FMN1: variants seen among roughly 807,000 people sequenced by gnomAD.
The protein encoded by FMN1 is formin 1.
Under a neutral mutation model 132.4 loss-of-function variants are expected in FMN1, and 110 were observed. That is an observed-to-expected ratio of 0.83 (90% confidence interval 0.71 to 0.97). FMN1 has a LOEUF of 0.97. FMN1 is among the 50% of genes least tolerant of loss of function. FMN1 has a pLI of 0.00. For missense variants in FMN1, 1,792 were observed against 1,705.3 expected, an observed-to-expected ratio of 1.05 and a Z score of -0.90; for synonymous variants, 722 against 651.7, an observed-to-expected ratio of 1.11 and a Z score of -1.64.
intron 6 of FMN1, among the ~76,000 whole-genome samples, chr15:33,026,258 G>T: frequency 6.6e-6 from 1 of 151,512 alleles, no homozygotes; most frequent in East Asian, 1.9e-4. Flanking sequence ...TAACAAAAGG[G>T]GCCTCAACAC....
At chr15:32,989,978 G>T (rs1187239743) in intron 7 of FMN1, among the ~76,000 whole-genome samples, 1 of 152,090 alleles carries the variant, frequency 6.6e-6, no homozygotes, top group East Asian at 1.9e-4. Flanking sequence ...AAGAGGAGGA[G>T]GATTCAGAAG....
intron 16 of FMN1, among the ~76,000 whole-genome samples, chr15:32,868,559 C>G (rs2059445340): frequency 6.6e-6 from 1 of 152,142 alleles, no homozygotes; most frequent in Non-Finnish European, 1.5e-5. Flanking sequence ...TGTTAAGTGA[C>G]ACATGACTGT....
chr15:32,838,300 G>A (rs1289230708), intron 17 of FMN1, among the ~76,000 whole-genome samples: 2 of 152,164 alleles, frequency 1.3e-5, no homozygotes. Flanking sequence ...TCGGAGAGGT[G>A]AGGCCAATGT....
chr15:32,923,768 G>C (rs1034554033), intron 10 of FMN1, among the ~76,000 whole-genome samples: 2 of 152,194 alleles, frequency 1.3e-5, no homozygotes, highest in Non-Finnish European at 2.9e-5. Flanking sequence ...CTGGTAACTG[G>C]ACTATCACAT....
At chr15:32,869,457 G>A (rs376745247) in intron 16 of FMN1, among the ~76,000 whole-genome samples, 10 of 152,126 alleles carry the variant, frequency 6.6e-5, no homozygotes, top group Non-Finnish European at 1.3e-4. Context: ...GCAAGCTCGA[G>A]GTGGAAAATC....
rs368902407 is a variant in FMN1, at chr15:32,945,833, C to T, written c.3138+18274G>A. Among the ~76,000 whole-genome samples, 62 of 152,270 alleles carry T rather than the reference C, an allele frequency of 4.1e-4. No homozygotes were observed. In the South Asian group the frequency reaches 0.012, roughly 31 times the overall value. ...AGCCACTGGAAGGCAAAATCTGAGA[C>T]AGAACTCCAAGGGAAACACTTCTTC... On this transcript the variant is annotated intron_variant, in intron 9 of 20. Coordinates refer to ENST00000616417, the MANE Select transcript of FMN1 (RefSeq NM_001277313.2).
chr15:32,918,107 T>TA (rs914678090), intron 10 of FMN1, among the ~76,000 whole-genome samples: 119 of 149,366 alleles, frequency 8.0e-4, no homozygotes, highest in South Asian at 2.1e-3. Context: ...AGAATTTCTT[T>TA]AAAAAAAAAA....
chr15:33,161,882 C>G (rs1011412646), intron 3 of FMN1, among the ~76,000 whole-genome samples: 1 of 151,426 alleles, frequency 6.6e-6, no homozygotes, highest in Non-Finnish European at 1.5e-5. Context: ...CGTGCCACTG[C>G]ACTCCAGCCT....
chr15:32,957,517 A>G (rs1384357840), intron 9 of FMN1, among the ~76,000 whole-genome samples: 1 of 151,954 alleles, frequency 6.6e-6, no homozygotes, highest in African/African-American at 2.4e-5. Context: ...AGATGTCCGA[A>G]TGTATCACTA....
chr15:32,831,409 G>A (rs1329227531), intron 17 of FMN1, among the ~76,000 whole-genome samples: 3 of 152,080 alleles, frequency 2.0e-5, no homozygotes, highest in Admixed American at 6.5e-5. Context: ...TATCATGGAA[G>A]CTTGGGAAGT....
intron 17 of FMN1, among the ~76,000 whole-genome samples, chr15:32,831,310 TG>T (rs1329568913): frequency 2.0e-5 from 3 of 152,058 alleles, no homozygotes; most frequent in Non-Finnish European, 4.4e-5. Context: ...CTCCACCTCC[TG>T]GATTCAAGTG....
At chr15:33,189,979 T>C in intron 2 of FMN1, among the ~76,000 whole-genome samples, 1 of 152,176 alleles carries the variant, frequency 6.6e-6, no homozygotes, top group East Asian at 1.9e-4. Flanking sequence ...GGGATGTGCT[T>C]TCGGTCAGTG....
intron 5 of FMN1, among the ~76,000 whole-genome samples, chr15:33,071,243 C>T (rs1235268094): frequency 6.6e-6 from 1 of 152,094 alleles, no homozygotes; most frequent in Admixed American, 6.5e-5. Context: ...TACAAGTTTT[C>T]TTAGGAAAAA....
intron 7 of FMN1, among the ~76,000 whole-genome samples, chr15:32,986,795 C>T (rs2033097469): frequency 6.6e-6 from 1 of 152,078 alleles, no homozygotes; most frequent in South Asian, 2.1e-4. Context: ...TTTCCTCCCC[C>T]ACCTTAGATT....
chr15:33,180,432 A>AACAG (rs1212669774), intron 2 of FMN1, among the ~76,000 whole-genome samples, 170 bp from the exon 3 acceptor site: 1 of 152,130 alleles, frequency 6.6e-6, no homozygotes, highest in Non-Finnish European at 1.5e-5. Context: ...AAGTCTAGGG[A>AACAG]ACAGACGATC....
At chr15:32,899,684 T>TTA (rs2141588268) in intron 14 of FMN1, 1 of 418,134 alleles carries the variant, frequency 2.4e-6, no homozygotes, top group South Asian at 3.0e-5. Flanking sequence ...TACTGTATGC[T>TTA]ATCTGTTTTG....
chr15:33,013,252 G>A (rs1218672245), intron 6 of FMN1, among the ~76,000 whole-genome samples: 1 of 152,204 alleles, frequency 6.6e-6, no homozygotes, highest in Non-Finnish European at 1.5e-5. Context: ...GACCATATTT[G>A]TGATTAGTTA....
rs888360978 is a variant in FMN1 at position 32,768,280 on chromosome 15, G to A, written c.*6030C>T. 2.0e-5 allele frequency: 3 copies of A among 152,184 alleles called. No individual in the cohort carries two copies. The highest frequency in any genetic ancestry group is 6.5e-5 in the Admixed American group (1 of 15,274). The allele number at this position is 152,184 out of a possible 1,614,324, so 9.4% of individuals were successfully genotyped here. On this transcript the variant is annotated 3_prime_UTR_variant, in exon 21 of 21. Transcript: ENST00000616417. The stretch of plus-strand genomic sequence containing the variant: ...CTTTCATTTGGGAAAGACAGATCTG[G>A]AAAGCGAACCCAGTTAACAGTCAAA...
At chr15:33,149,743 G>T in intron 4 of FMN1, 5 of 972,900 alleles carry the variant, frequency 5.1e-6, no homozygotes, top group Non-Finnish European at 4.9e-6. Context: ...ACTTTCTGTA[G>T]TAACCTTAAA....
Sources: allele counts gnomAD v4.1 joint callset (sites outside exome capture counted in the v4.1 genomes callset), GRCh38; gene constraint gnomAD v4.1.1; transcripts MANE v1.5; gene names NCBI Gene and HGNC (gene_info 2026-07-23, HGNC 2026-07-21).